The following CADM2 variants were observed in gnomAD, a reference collection of about 807,000 sequenced individuals.
CADM2 encodes the protein immunoglobulin superfamily member 4D.
In CADM2, 12 loss-of-function variants were observed where a neutral mutation model predicts 49.8. The observed-to-expected ratio is 0.24, with a 90% confidence interval of 0.15 to 0.39. The LOEUF is 0.39. Ranked by LOEUF, CADM2 falls within the 10% of genes least tolerant of loss-of-function variation. The pLI, the probability that CADM2 is intolerant of heterozygous loss-of-function variation, is 1.00. For synonymous variants in CADM2, 214 were observed against 175.4 expected (o/e 1.22, Z -1.74); for missense variants, 378 against 492.3 (o/e 0.77, Z 2.20).
intron 7 of CADM2, among the ~76,000 whole-genome samples, chr3:85,952,099 T>G (rs1364362258): frequency 6.6e-6 from 1 of 150,794 alleles, no homozygotes; most frequent in African/African-American, 2.4e-5. Context: ...TTTATGGAAG[T>G]AACAATGATG....
At chr3:85,219,644 T>G (rs2107789049) in intron 1 of CADM2, among the ~76,000 whole-genome samples, 1 of 152,254 alleles carries the variant, frequency 6.6e-6, no homozygotes, top group East Asian at 1.9e-4. Context: ...GACAAAAAAG[T>G]GAATAAAATT....
rs577188541 is a variant in CADM2 at position 85,322,271 on chromosome 3, C to T, written c.61+362603C>T. ...CTTAATTCTTGTTGTTATCTGTTTA[C>T]GGTAGCATGTCCTATTCTATTTTCC... is the stretch of plus-strand genomic sequence containing the variant. On this transcript the variant is annotated intron_variant, in intron 1 of 9. Coordinates refer to ENST00000383699, the MANE Select transcript of CADM2 (RefSeq NM_001167675.2). Among the ~76,000 whole-genome samples the T allele has an allele frequency of 7.4e-4, 113 of 152,270 alleles. 2 individuals are homozygous for T. The highest frequency in any genetic ancestry group is 5.0e-4 in the Non-Finnish European group (34 of 68,022).
At chr3:85,572,772 A>G (rs575547289) in intron 1 of CADM2, among the ~76,000 whole-genome samples, 3 of 152,228 alleles carry the variant, frequency 2.0e-5, no homozygotes, top group East Asian at 3.9e-4. Flanking sequence ...AGATTAACAT[A>G]TTCACTTTTT....
chr3:85,879,197 C>G, intron 3 of CADM2, among the ~76,000 whole-genome samples: 1 of 151,808 alleles, frequency 6.6e-6, no homozygotes, highest in Non-Finnish European at 1.5e-5. Context: ...CCTCTGGCAG[C>G]TAAACAAGGC....
intron 1 of CADM2, among the ~76,000 whole-genome samples, chr3:85,645,722 A>G (rs746019502): frequency 2.6e-5 from 4 of 152,040 alleles, no homozygotes; most frequent in Non-Finnish European, 4.4e-5. Flanking sequence ...TCTGTAAAGA[A>G]TATCCTTACA....
chr3:85,945,680 C>A (rs552267209), intron 7 of CADM2, among the ~76,000 whole-genome samples: 1 of 152,104 alleles, frequency 6.6e-6, no homozygotes, highest in Non-Finnish European at 1.5e-5. Context: ...ACAAAAACCA[C>A]GTGATTATCT....
chr3:85,439,774 A>G (rs1463685590), intron 1 of CADM2, among the ~76,000 whole-genome samples: 2 of 152,108 alleles, frequency 1.3e-5, no homozygotes, highest in African/African-American at 4.8e-5. Flanking sequence ...AAAAAGGAAC[A>G]GGTGTGATGG....
At chr3:85,307,542 TTAAA>T (rs1477354393) in intron 1 of CADM2, among the ~76,000 whole-genome samples, 1 of 151,810 alleles carries the variant, frequency 6.6e-6, no homozygotes, top group Non-Finnish European at 1.5e-5. Context: ...TTTACAATAA[TTAAA>T]TAATTTCCAA....
chr3:84,970,619 T>A (rs370440701), intron 1 of CADM2, among the ~76,000 whole-genome samples: 4 of 152,116 alleles, frequency 2.6e-5, no homozygotes, highest in East Asian at 1.9e-4. Flanking sequence ...AATCACTCTG[T>A]CATCCTCATA....
intron 1 of CADM2, among the ~76,000 whole-genome samples, chr3:85,627,235 G>A (rs1043978936): frequency 2.6e-4 from 40 of 151,944 alleles, no homozygotes; most frequent in African/African-American, 9.2e-4. Context: ...AGTGAAGTGA[G>A]TTTCCCGACT....
At position 85,540,518 on chromosome 3, in the gene CADM2, T is replaced by G. The variant is rs138975174; in HGVS notation, c.62-186004T>G. Among the ~76,000 whole-genome samples the G allele has an allele frequency of 2.1e-3, 316 of 152,292 alleles. 2 individuals are homozygous for G. Among genetic ancestry groups the G allele is most frequent in the African/African-American group, 7.2e-3 (301 of 41,566 alleles). On this transcript the variant is annotated intron_variant, in intron 1 of 9. Transcript: ENST00000383699. ...TCATCTGTGCTGACATCCACAACTTTCATGCCAGTGGATATGTAATCAACA... is the reference window on the plus strand; with the variant it reads ...TCATCTGTGCTGACATCCACAACTTGCATGCCAGTGGATATGTAATCAACA...
intron 1 of CADM2, among the ~76,000 whole-genome samples, chr3:85,426,595 C>T (rs2036418377): frequency 6.6e-6 from 1 of 151,960 alleles, no homozygotes; most frequent in Non-Finnish European, 1.5e-5. Context: ...ATAGGGTATC[C>T]ATCCCCTCAA....
rs139257494 is a variant in CADM2, at chr3:85,431,860, C to CATATGTATATATATAT, written c.62-294658_62-294657insGTATATATATATATAT. Among the ~76,000 whole-genome samples the CATATGTATATATATAT allele has an allele frequency of 1.5e-4, 8 of 51,866 alleles. 3 individuals are homozygous for CATATGTATATATATAT. Among genetic ancestry groups the CATATGTATATATATAT allele is most frequent in the Admixed American group, 2.5e-4 (1 of 4,032 alleles). 34.0% of individuals were successfully genotyped at this position (51,866 alleles called of 152,430 possible). A position where few individuals can be genotyped will look rare whatever the true frequency, so the allele number is the denominator to read the frequency against. On this transcript the variant is annotated intron_variant, in intron 1 of 9. Transcript: ENST00000383699. ...AACACCATGGTCTTATGCTTAATTG[C>CATATGTATATATATAT]ATATATATATATGCCATGCTCTTTC...
At chr3:85,021,567 G>A (rs551226918) in intron 1 of CADM2, among the ~76,000 whole-genome samples, 35 of 152,208 alleles carry the variant, frequency 2.3e-4, no homozygotes, top group South Asian at 4.2e-4. Flanking sequence ...CTGAGGTCAG[G>A]TGTTCGAGAC....
chr3:85,928,862 A>C (rs980958484), intron 6 of CADM2, among the ~76,000 whole-genome samples: 1 of 152,186 alleles, frequency 6.6e-6, no homozygotes, highest in Non-Finnish European at 1.5e-5. Flanking sequence ...ACAATCGAGT[A>C]AGTTAATATA....
In CADM2 at chr3:85,736,912, C is replaced by T. The variant is rs773390749; in HGVS notation, c.88+10364C>T. Among the ~76,000 whole-genome samples the T allele has an allele frequency of 5.3e-5, 8 of 152,276 alleles. No homozygotes were observed. The South Asian group carries it at 1.5e-3, about 28-fold the overall frequency. ...GGCCCAGAGTGGTCAGTGGTAATGT[C>T]AGAGAGAAATTGGCAGATTCACGAG... On this transcript the variant is annotated intron_variant, in intron 2 of 9. Transcript: ENST00000383699.
At chr3:85,236,664 T>C (rs1016797179) in intron 1 of CADM2, among the ~76,000 whole-genome samples, 2 of 152,164 alleles carry the variant, frequency 1.3e-5, no homozygotes, top group Non-Finnish European at 2.9e-5. Context: ...ATGAAATATT[T>C]GTATACATAA....
Position 85,961,471 on chromosome 3 carries a change from C to A in CADM2, c.794C>A (p.Pro265Gln), listed in dbSNP as rs1189210773. The change falls in exon 8 of 10, where the codon CCA becomes CAA. Residue 265 changes from proline to glutamine, a missense_variant and splice_region_variant. Transcript: ENST00000383699. The part of the protein sequence containing the change: ...LTCESKGKPL[P>Q]EPVLWTKDGG... ...ACATGCATGTTTCAATCCAATAGGC[C>A]AGAACCTGTTTTGTGGACAAAGGAT... 6.3e-7 allele frequency: 1 copy of A among 1,588,554 alleles called. No individual in the cohort carries two copies. The highest frequency in any genetic ancestry group is 1.1e-5 in the South Asian group (1 of 88,230).
At chr3:85,904,131 A>G (rs1389492428) in intron 5 of CADM2, among the ~76,000 whole-genome samples, 2 of 152,192 alleles carry the variant, frequency 1.3e-5, no homozygotes, top group Non-Finnish European at 2.9e-5. Flanking sequence ...AGAGAGCTTC[A>G]GAAAAACACT....
Sources: gnomAD v4.1 joint callset for allele counts (sites outside exome capture counted in the v4.1 genomes callset) on GRCh38, gnomAD v4.1.1 for gene constraint, MANE v1.5 for transcripts, NCBI Gene and HGNC (gene_info 2026-07-23, HGNC 2026-07-21) for gene names.